SUFU: variants seen among roughly 807,000 people sequenced by gnomAD.
SUFU encodes SUFU negative regulator of hedgehog signaling.
SUFU carries 7 observed loss-of-function variants against 58.9 expected under a neutral mutation model. That is an observed-to-expected ratio of 0.12 (90% CI 0.07 to 0.22). The LOEUF (loss-of-function observed/expected upper bound fraction) is 0.22, where lower values mean the gene tolerates loss of function less well. Ranked by LOEUF, SUFU falls within the 10% of genes least tolerant of loss-of-function variation. The probability of loss-of-function intolerance (pLI) is 1.00; values close to 1 mark genes in which losing one functional copy is unlikely to be tolerated. For missense variants in SUFU, 451 were observed against 641.3 expected (o/e 0.70, Z 3.20); for synonymous variants, 232 against 254.8 (o/e 0.91, Z 0.85).
At chr10:102,528,685 CTGGAT>C in intron 2 of SUFU, among the ~76,000 whole-genome samples, 1 of 152,172 alleles carries the variant, frequency 6.6e-6, no homozygotes, top group Non-Finnish European at 1.5e-5. Flanking sequence ...GTTTATTTGA[CTGGAT>C]TCTCAGCCGA....
chr10:102,543,290 C>T (rs1007475884), intron 2 of SUFU, among the ~76,000 whole-genome samples: 8 of 152,078 alleles, frequency 5.3e-5, no homozygotes, highest in African/African-American at 1.7e-4. Context: ...TTTTCATTTG[C>T]ATTTCTTTTA....
intron 3 of SUFU, among the ~76,000 whole-genome samples, chr10:102,569,650 T>A (rs2063141183): frequency 6.6e-6 from 1 of 152,200 alleles, no homozygotes; most frequent in Non-Finnish European, 1.5e-5. Context: ...TGTATCTGAT[T>A]GGTAGGGAAA....
intron 2 of SUFU, among the ~76,000 whole-genome samples, chr10:102,542,604 C>T (rs1315728205): frequency 2.0e-5 from 3 of 146,538 alleles, no homozygotes; most frequent in Admixed American, 1.4e-4. Flanking sequence ...TCCTCAAAAA[C>T]ATACTATAAT....
intron 2 of SUFU, among the ~76,000 whole-genome samples, chr10:102,529,096 AT>A (rs2062646612): frequency 6.6e-6 from 1 of 151,792 alleles, no homozygotes; most frequent in South Asian, 2.1e-4. Flanking sequence ...ATATAAACAT[AT>A]TTCAAAAGTT....
intron 3 of SUFU, among the ~76,000 whole-genome samples, chr10:102,589,962 GT>G (rs961779456): frequency 3.7e-4 from 53 of 145,162 alleles, no homozygotes; most frequent in Middle Eastern, 3.6e-3. Flanking sequence ...CCAAATCTGA[GT>G]TTTTTTTTTT....
chr10:102,616,359 C>T (rs187169896), intron 9 of SUFU, among the ~76,000 whole-genome samples: 22 of 152,350 alleles, frequency 1.4e-4, no homozygotes, highest in Admixed American at 5.9e-4. Context: ...GGAAGAAGAA[C>T]TTGCACACTT....
chr10:102,628,010 G>A lies in SUFU; in HGVS notation c.1365+767G>A, dbSNP rs1590092831. Among the ~76,000 whole-genome samples the A allele has an allele frequency of 6.6e-6, 1 of 152,212 alleles. No homozygotes were observed. Among genetic ancestry groups the A allele is most frequent in the Non-Finnish European group, 1.5e-5 (1 of 68,016 alleles). ...CCCATGGGTTAGTGAACTCTAGCAG[G>A]CTGGCCGGGCCTCTGGAGAGCTCTC... is the stretch of plus-strand genomic sequence containing the variant. On this transcript the variant is annotated intron_variant, in intron 11 of 11. Coordinates refer to ENST00000369902, the MANE Select transcript of SUFU (RefSeq NM_016169.4). This position sits in a 1 kb window ranked among gnomAD's most constrained non-coding sequence, Gnocchi z 4.5.
intron 3 of SUFU, among the ~76,000 whole-genome samples, chr10:102,574,720 TTTCTC>T (rs1416360003): frequency 6.6e-6 from 1 of 152,190 alleles, no homozygotes; most frequent in Non-Finnish European, 1.5e-5. Flanking sequence ...AAAGATGTGT[TTTCTC>T]TTTCTTTTAA....
chr10:102,615,543 G>A lies in SUFU; in HGVS notation c.1157+141G>A, dbSNP rs777871008. On this transcript the variant is annotated intron_variant, in intron 9 of 11. Transcript: ENST00000369902. ...AGGAGCCACCAGGCCCGTGCTTCCC[G>A]TCTCCCTGTCTCCCTGATGAGGGTG... 1.4e-4 allele frequency: 178 copies of A among 1,229,586 alleles called. 1 individual carries two copies. The highest frequency in any genetic ancestry group is 1.0e-3 in the Admixed American group (56 of 54,204). 76.2% of individuals were successfully genotyped at this position (1,229,586 alleles called of 1,614,324 possible).
intron 6 of SUFU, 117 bp from the exon 7 acceptor site, chr10:102,597,023 C>T: frequency 8.1e-7 from 1 of 1,234,484 alleles, no homozygotes; most frequent in Admixed American, 1.7e-5. Context: ...AGCATTTGTC[C>T]CATGCTCAGC....
In SUFU at chr10:102,630,406, G is replaced by A. The variant is rs1188017727; in HGVS notation, c.*251G>A. 12 of 551,190 alleles carry A rather than the reference G, an allele frequency of 2.2e-5. No homozygotes were observed. Among genetic ancestry groups the A allele is most frequent in the African/African-American group, 5.6e-5 (3 of 53,098 alleles). The allele number at this position is 551,190 out of a possible 1,614,324, so 34.1% of individuals were successfully genotyped here. A position where few individuals can be genotyped will look rare whatever the true frequency, so the allele number is the denominator to read the frequency against. On this transcript the variant is annotated 3_prime_UTR_variant, in exon 12 of 12. Coordinates refer to ENST00000369902, the MANE Select transcript of SUFU (RefSeq NM_016169.4). Reference sequence around the variant, plus strand: ...ATCAGGCCAGTGAGTGGGCAAATGCGGACCCTCCCTGCCTGCAGCCTGCAC... The same window carrying A: ...ATCAGGCCAGTGAGTGGGCAAATGCAGACCCTCCCTGCCTGCAGCCTGCAC...
intron 2 of SUFU, among the ~76,000 whole-genome samples, chr10:102,526,179 G>T (rs1025391597): frequency 6.6e-6 from 1 of 152,158 alleles, no homozygotes; most frequent in African/African-American, 2.4e-5. Context: ...GTGCTGATCA[G>T]TAGTGGGATT....
At position 102,631,558 on chromosome 10, in the gene SUFU, TCAAAG is replaced by T. The variant is rs1170738731; in HGVS notation, c.*1409_*1413del. 1 of 233,306 alleles carries T rather than the reference TCAAAG, an allele frequency of 4.3e-6. No individual in the cohort carries two copies. Among genetic ancestry groups the T allele is most frequent in the African/African-American group, 2.2e-5 (1 of 45,332 alleles). 14.5% of individuals were successfully genotyped at this position (233,306 alleles called of 1,614,324 possible). On this transcript the variant is annotated 3_prime_UTR_variant, in exon 12 of 12. Coordinates refer to ENST00000369902, the MANE Select transcript of SUFU (RefSeq NM_016169.4). ...CTTCAAGATCACTCTTTACACCTCTTCAAAGCAAAGTCATGACAATGCAGGGCTCC... is the reference window on the plus strand; with the variant it reads ...CTTCAAGATCACTCTTTACACCTCTTCAAAGTCATGACAATGCAGGGCTCC...
chr10:102,538,591 G>C (rs529954671), intron 2 of SUFU, among the ~76,000 whole-genome samples: 3 of 152,084 alleles, frequency 2.0e-5, no homozygotes, highest in Admixed American at 2.0e-4. Flanking sequence ...AGAAAGTACA[G>C]AGAGCTACCA....
chr10:102,560,899 G>A (rs746317778), intron 3 of SUFU, among the ~76,000 whole-genome samples: 1 of 151,426 alleles, frequency 6.6e-6, no homozygotes, highest in African/African-American at 2.4e-5. Flanking sequence ...GTGCAATGGC[G>A]CGATCTCGGC....
Position 102,504,101 on chromosome 10 carries a change from TCCC to T in SUFU, c.-50_-48del. The T allele has an allele frequency of 6.6e-7, 1 of 1,510,314 alleles. No individual in the cohort carries two copies. Among genetic ancestry groups the T allele is most frequent in the Non-Finnish European group, 8.8e-7 (1 of 1,134,476 alleles). The allele number at this position is 1,510,314 out of a possible 1,614,324, so 93.6% of individuals were successfully genotyped here. ...TCCGCCCGCTGGCCCGTCAGTGCTCTCCCCGTCGTTTGCCCTCTCCAGTTCCCC... is the reference window on the plus strand; with the variant it reads ...TCCGCCCGCTGGCCCGTCAGTGCTCTCGTCGTTTGCCCTCTCCAGTTCCCC... On this transcript the variant is annotated 5_prime_UTR_variant, in exon 1 of 12. Transcript: ENST00000369902.
chr10:102,533,192 A>G (rs2062695855), intron 2 of SUFU, among the ~76,000 whole-genome samples: 1 of 152,200 alleles, frequency 6.6e-6, no homozygotes, highest in Non-Finnish European at 1.5e-5. Flanking sequence ...AAAAATTACC[A>G]CAAAATTAGT....
intron 10 of SUFU, 146 bp from the exon 11 acceptor site, chr10:102,627,029 C>T: frequency 2.4e-6 from 2 of 834,594 alleles, no homozygotes; most frequent in South Asian, 2.8e-5. Flanking sequence ...TGGGGACAGG[C>T]CTCAAACACT....
intron 2 of SUFU, among the ~76,000 whole-genome samples, chr10:102,539,586 C>T (rs552189495): frequency 2.0e-5 from 3 of 152,086 alleles, no homozygotes; most frequent in Admixed American, 2.0e-4. Context: ...TTTTACCACC[C>T]GTTGATGATT....
Sources: gnomAD v4.1 joint callset for allele counts (sites outside exome capture counted in the v4.1 genomes callset) on GRCh38, gnomAD v4.1.1 for gene constraint, Gnocchi (gnomAD v3.1) non-coding constraint, MANE v1.5 for transcripts, NCBI Gene and HGNC (gene_info 2026-07-23, HGNC 2026-07-21) for gene names.